The following OPCML variants were observed in gnomAD, a reference collection of about 807,000 sequenced individuals.
The protein encoded by OPCML is opioid-binding protein/cell adhesion molecule.
Under a neutral mutation model 37.8 loss-of-function variants are expected in OPCML, and 13 were observed. That is an observed-to-expected ratio of 0.34 (90% CI 0.22 to 0.55). The LOEUF is 0.55. OPCML is among the 20% of genes least tolerant of loss of function. The pLI is 0.91. For synonymous variants in OPCML, 176 were observed against 168.8 expected, an observed-to-expected ratio of 1.04 and a Z score of -0.33; for missense variants, 341 against 435.6, an observed-to-expected ratio of 0.78 and a Z score of 1.93.
At chr11:133,395,874 G>T (rs976811012) in intron 1 of OPCML, among the ~76,000 whole-genome samples, 1 of 152,088 alleles carries the variant, frequency 6.6e-6, no homozygotes, top group Non-Finnish European at 1.5e-5. Context: ...TGGGTCTTTT[G>T]TGGTTCCATA....
chr11:133,108,499 G>T (rs10791282), intron 1 of OPCML, among the ~76,000 whole-genome samples: 2 of 152,094 alleles, frequency 1.3e-5, no homozygotes, highest in East Asian at 1.9e-4. Flanking sequence ...ACCTGAGCTC[G>T]GTTAGAATGT....
chr11:133,438,215 T>A (rs978978232), intron 1 of OPCML, among the ~76,000 whole-genome samples: 29 of 152,186 alleles, frequency 1.9e-4, no homozygotes, highest in African/African-American at 6.8e-4. Flanking sequence ...TTTATTCTTA[T>A]GTAAGAGGAG....
In OPCML at chr11:132,673,233, G is replaced by A. The variant is rs200815376; in HGVS notation, c.147-15914C>T. ...CATGACTTGGTCTTGTCCTTAGAACGCATGGGTGAAGATCAGAGGTGATGT... is the reference window on the plus strand; with the variant it reads ...CATGACTTGGTCTTGTCCTTAGAACACATGGGTGAAGATCAGAGGTGATGT... On this transcript the variant is annotated intron_variant, in intron 2 of 7. Transcript: ENST00000524381. Among the ~76,000 whole-genome samples the A allele has an allele frequency of 3.3e-5, 5 of 152,186 alleles. No homozygotes were observed. In the East Asian group the frequency reaches 5.8e-4, roughly 18 times the overall value.
chr11:133,371,839 C>G (rs1226405384), intron 1 of OPCML, among the ~76,000 whole-genome samples: 1 of 152,078 alleles, frequency 6.6e-6, no homozygotes, highest in African/African-American at 2.4e-5. Context: ...ACTATTTGGC[C>G]ATTAAAAAGA....
At chr11:133,489,708 C>T (rs1232831181) in intron 1 of OPCML, among the ~76,000 whole-genome samples, 1 of 152,048 alleles carries the variant, frequency 6.6e-6, no homozygotes, top group Admixed American at 6.6e-5. Flanking sequence ...GGAAATAAAT[C>T]ATTATTTCAA....
rs1262357038 is a variant in OPCML at position 132,864,726 on chromosome 11, A to C, written c.146+78200T>G. ...AAGAAGAAAGACACATAAAATCTTGAATCACAAAGTAAGGATCTCACTTGA... is the reference window on the plus strand; with the variant it reads ...AAGAAGAAAGACACATAAAATCTTGCATCACAAAGTAAGGATCTCACTTGA... On this transcript the variant is annotated intron_variant, in intron 2 of 7. Coordinates refer to ENST00000524381, the MANE Select transcript of OPCML (RefSeq NM_001012393.5). Among the ~76,000 whole-genome samples, 14 of 152,370 alleles carry C rather than the reference A, an allele frequency of 9.2e-5. No individual in the cohort carries two copies. The East Asian group carries it at 2.7e-3, about 29-fold the overall frequency.
intron 1 of OPCML, among the ~76,000 whole-genome samples, chr11:133,257,248 C>T (rs952122435): frequency 2.0e-5 from 3 of 152,154 alleles, no homozygotes; most frequent in African/African-American, 7.2e-5. Context: ...TCTCAATGAC[C>T]TATAATTTCA....
At chr11:133,472,120 T>C (rs1395898782) in intron 1 of OPCML, among the ~76,000 whole-genome samples, 2 of 152,190 alleles carry the variant, frequency 1.3e-5, no homozygotes, top group African/African-American at 2.4e-5. Flanking sequence ...AAGTGAACCC[T>C]TTTAACACAC....
intron 3 of OPCML, among the ~76,000 whole-genome samples, chr11:132,564,023 A>C (rs2096416635): frequency 6.6e-6 from 1 of 152,128 alleles, no homozygotes. Context: ...AAGAACATCA[A>C]CTCACTGGTC....
chr11:133,269,494 A>C (rs1296290062), intron 1 of OPCML, among the ~76,000 whole-genome samples: 1 of 152,246 alleles, frequency 6.6e-6, no homozygotes, highest in Non-Finnish European at 1.5e-5. Context: ...TAGGCAGCCC[A>C]GATTTTCACA....
At chr11:132,914,507 G>A (rs1284913887) in intron 2 of OPCML, among the ~76,000 whole-genome samples, 1 of 152,158 alleles carries the variant, frequency 6.6e-6, no homozygotes, top group African/African-American at 2.4e-5. Context: ...ATTTGTTGTA[G>A]TTATGGCCAT....
At chr11:132,724,358 T>G (rs192569728) in intron 2 of OPCML, among the ~76,000 whole-genome samples, 89 of 152,282 alleles carry the variant, frequency 5.8e-4, no homozygotes, top group African/African-American at 2.1e-3. Flanking sequence ...TAGTCTGTTT[T>G]TGCACTGCTG....
chr11:132,599,363 GAGGAGGAGGA>G (rs1310308501), intron 3 of OPCML, among the ~76,000 whole-genome samples: 16 of 134,960 alleles, frequency 1.2e-4, no homozygotes, highest in African/African-American at 4.3e-4. Flanking sequence ...GGAGGAGAAG[GAGGAGGAGGA>G]AGAAGGAGGA....
rs528395958 is a variant in OPCML, at chr11:132,892,885, A to T, written c.146+50041T>A. On this transcript the variant is annotated intron_variant, in intron 2 of 7. Transcript: ENST00000524381. ...AGCAACAAAGCCCAGCTTTATCTGGATTACATTCAGATTTTGGCATCCTTG... is the reference window on the plus strand; with the variant it reads ...AGCAACAAAGCCCAGCTTTATCTGGTTTACATTCAGATTTTGGCATCCTTG... 8.5e-5 allele frequency among the ~76,000 whole-genome samples: 13 copies of T among 152,332 alleles called. No homozygotes were observed. The South Asian group carries it at 2.5e-3, about 29-fold the overall frequency.
At chr11:132,429,396 T>C (rs1225970714) in intron 7 of OPCML, among the ~76,000 whole-genome samples, 2 of 152,074 alleles carry the variant, frequency 1.3e-5, no homozygotes, top group Non-Finnish European at 2.9e-5. Flanking sequence ...TGTGCCACAA[T>C]GTGAGTGATA....
chr11:133,183,367 C>T (rs1294941992), intron 1 of OPCML, among the ~76,000 whole-genome samples: 1 of 152,214 alleles, frequency 6.6e-6, no homozygotes, highest in Non-Finnish European at 1.5e-5. Flanking sequence ...GCTAGGACAA[C>T]TTTTCACTCC....
chr11:132,775,412 G>C (rs1946777367), intron 2 of OPCML, among the ~76,000 whole-genome samples: 1 of 152,160 alleles, frequency 6.6e-6, no homozygotes, highest in African/African-American at 2.4e-5. Flanking sequence ...ATAGCTGATT[G>C]GTTCAAGTGA....
intron 2 of OPCML, 114 bp downstream of exon 2, chr11:132,942,812 G>C (rs1945626364): frequency 7.2e-7 from 1 of 1,398,168 alleles, no homozygotes. Flanking sequence ...CCTCGGGCCT[G>C]CACAAGGCCC....
chr11:133,311,232 A>G (rs1943061055), intron 1 of OPCML, among the ~76,000 whole-genome samples: 1 of 152,146 alleles, frequency 6.6e-6, no homozygotes, highest in African/African-American at 2.4e-5. Context: ...CTTCATGTTT[A>G]TTGGCATTTT....
Sources: gnomAD v4.1 joint callset for allele counts (sites outside exome capture counted in the v4.1 genomes callset) on GRCh38, gnomAD v4.1.1 for gene constraint, MANE v1.5 for transcripts, NCBI Gene and HGNC (gene_info 2026-07-23, HGNC 2026-07-21) for gene names.